The following COL4A2 variants were observed in gnomAD, a reference collection of about 807,000 sequenced individuals.
The protein encoded by COL4A2 is collagen type IV alpha 2 chain.
Under a neutral mutation model 200.2 loss-of-function variants are expected in COL4A2, and 99 were observed. The observed-to-expected ratio is 0.49, with a 90% confidence interval of 0.42 to 0.58. COL4A2 has a LOEUF of 0.58. Ranked by LOEUF, COL4A2 falls within the 20% of genes least tolerant of loss-of-function variation. COL4A2 has a pLI of 0.00. For synonymous variants in COL4A2, 897 were observed against 900.6 expected (o/e 1.00, Z 0.07); for missense variants, 1,950 against 2,314.1 (o/e 0.84, Z 3.23).
chr13:110,469,122 T>G (rs531945893), intron 27 of COL4A2, 95 bp from the exon 28 acceptor site: 1 of 1,394,012 alleles, frequency 7.2e-7, no homozygotes, highest in East Asian at 2.5e-5. Context: ...ATTTCCCGGT[T>G]TCATGAGATC....
chr13:110,312,852 T>G (rs1024469568), intron 3 of COL4A2, among the ~76,000 whole-genome samples: 1 of 152,214 alleles, frequency 6.6e-6, no homozygotes, highest in African/African-American at 2.4e-5. Flanking sequence ...GGCAAGACAC[T>G]TTACGTGCTT....
chr13:110,450,743 C>T (rs935869750), intron 20 of COL4A2, among the ~76,000 whole-genome samples: 2 of 152,184 alleles, frequency 1.3e-5, no homozygotes, highest in Non-Finnish European at 2.9e-5. Flanking sequence ...ATCCATCCTT[C>T]AGCGAAACAT....
intron 45 of COL4A2, among the ~76,000 whole-genome samples, chr13:110,504,811 T>C (rs906372095): frequency 6.6e-6 from 1 of 151,964 alleles, no homozygotes; most frequent in Non-Finnish European, 1.5e-5. Flanking sequence ...TTTCACCATG[T>C]TGGCCAGGCT....
chr13:110,420,923 G>T (rs989538012), intron 4 of COL4A2, among the ~76,000 whole-genome samples: 1 of 152,220 alleles, frequency 6.6e-6, no homozygotes, highest in African/African-American at 2.4e-5. Flanking sequence ...GAGGACTAAG[G>T]TCTAACTCAC....
chr13:110,450,659 G>A (rs911598281), intron 20 of COL4A2, among the ~76,000 whole-genome samples: 2 of 152,218 alleles, frequency 1.3e-5, no homozygotes, highest in Non-Finnish European at 1.5e-5. Context: ...GGAAGCTGAA[G>A]CCCTGTAAGC....
chr13:110,337,231 A>G (rs1270370254), intron 3 of COL4A2, among the ~76,000 whole-genome samples: 1 of 152,242 alleles, frequency 6.6e-6, no homozygotes, highest in Non-Finnish European at 1.5e-5. Flanking sequence ...CGGAAGTTTT[A>G]GAAGCACCCG....
At position 110,464,270 on chromosome 13, in the gene COL4A2, G is replaced by C. The variant is rs933911788; in HGVS notation, c.1777-1135G>C. 9.2e-5 allele frequency among the ~76,000 whole-genome samples: 14 copies of C among 152,274 alleles called. No individual in the cohort carries two copies. In the South Asian group the frequency reaches 1.5e-3, roughly 16 times the overall value. On this transcript the variant is annotated intron_variant, in intron 24 of 47. Coordinates refer to ENST00000360467, the MANE Select transcript of COL4A2 (RefSeq NM_001846.4). ...GGGGCAGGTGGTCGGAGCAGGGTTA[G>C]GGGTAGGGGTGAGGGTTAGGGTCAG...
intron 4 of COL4A2, among the ~76,000 whole-genome samples, chr13:110,375,356 G>A (rs557417375): frequency 1.3e-5 from 2 of 152,290 alleles, no homozygotes; most frequent in East Asian, 3.9e-4. Flanking sequence ...CTCAACAGAT[G>A]GTGGATACTA....
At chr13:110,443,761 C>A (rs935473042) in intron 16 of COL4A2, among the ~76,000 whole-genome samples, 2 of 152,158 alleles carry the variant, frequency 1.3e-5, no homozygotes, top group Non-Finnish European at 2.9e-5. Flanking sequence ...CTCAGGGAGC[C>A]CGGCGGAGCC....
intron 3 of COL4A2, among the ~76,000 whole-genome samples, chr13:110,355,100 G>A (rs1222609501): frequency 6.6e-6 from 1 of 152,254 alleles, no homozygotes; most frequent in Admixed American, 6.5e-5. Flanking sequence ...CATTGGAAAG[G>A]GTTCTGTCAT....
intron 28 of COL4A2, among the ~76,000 whole-genome samples, chr13:110,472,358 A>G (rs4238274): frequency 0.97 from 147,014 of 152,090 alleles, 71,109 homozygotes; most frequent in Middle Eastern, 0.98. Flanking sequence ...CTCGTGATTC[A>G]CCCGCCTCGG....
intron 22 of COL4A2, chr13:110,459,268 A>G (rs1193760347): frequency 8.5e-6 from 2 of 235,270 alleles, no homozygotes; most frequent in East Asian, 8.6e-5. Context: ...ACATACACCA[A>G]TGTTCACAGC....
intron 3 of COL4A2, among the ~76,000 whole-genome samples, chr13:110,341,775 G>A (rs1351171682): frequency 6.6e-6 from 1 of 152,208 alleles, no homozygotes; most frequent in Non-Finnish European, 1.5e-5. Flanking sequence ...CTGCCAGAGG[G>A]CCGACGTTTC....
At chr13:110,454,373 A>G (rs1423698430) in intron 20 of COL4A2, among the ~76,000 whole-genome samples, 1 of 152,200 alleles carries the variant, frequency 6.6e-6, no homozygotes, top group Non-Finnish European at 1.5e-5. Context: ...CAGTGCTTCC[A>G]TTGTAAGGAG....
intron 16 of COL4A2, among the ~76,000 whole-genome samples, chr13:110,443,235 C>T (rs774137504): frequency 2.0e-5 from 3 of 152,192 alleles, no homozygotes; most frequent in Non-Finnish European, 2.9e-5. Context: ...GAGGCACATG[C>T]GTTCTATTTA....
chr13:110,398,629 G>T (rs1323852990), intron 4 of COL4A2, among the ~76,000 whole-genome samples: 1 of 152,142 alleles, frequency 6.6e-6, no homozygotes, highest in East Asian at 1.9e-4. Context: ...GGAGGTGGAG[G>T]TTGCAGTGAG....
intron 10 of COL4A2, 136 bp from the exon 11 acceptor site, chr13:110,432,189 A>G: frequency 8.8e-7 from 1 of 1,137,972 alleles, no homozygotes; most frequent in East Asian, 3.2e-5. Context: ...GCCAAGCCAA[A>G]TGCATCAGAA....
intron 14 of COL4A2, 115 bp from the exon 15 acceptor site, chr13:110,438,503 G>A: frequency 7.2e-7 from 1 of 1,379,368 alleles, no homozygotes; most frequent in Non-Finnish European, 1.0e-6. Flanking sequence ...CAGGCGGTCT[G>A]GACACCATCG....
chr13:110,322,918 T>C (rs1192034609), intron 3 of COL4A2, among the ~76,000 whole-genome samples: 1 of 152,216 alleles, frequency 6.6e-6, no homozygotes, highest in African/African-American at 2.4e-5. Flanking sequence ...CAGAGGCTAC[T>C]GAGGCCGCCC....
Sources: gnomAD v4.1 joint callset for allele counts (sites outside exome capture counted in the v4.1 genomes callset) on GRCh38, gnomAD v4.1.1 for gene constraint, MANE v1.5 for transcripts, NCBI Gene and HGNC (gene_info 2026-07-23, HGNC 2026-07-21) for gene names.